The following JADE2 variants were observed in gnomAD, a reference collection of about 807,000 sequenced individuals.
JADE2 encodes the protein E3 ubiquitin-protein ligase Jade-2.
In JADE2, 13 loss-of-function variants were observed where a neutral mutation model predicts 85.7. The observed-to-expected ratio is 0.15, with a 90% CI of 0.10 to 0.24. The LOEUF (loss-of-function observed/expected upper bound fraction) is 0.24, where lower values mean the gene tolerates loss of function less well. JADE2 is among the 10% of genes least tolerant of loss of function. The pLI, the probability that JADE2 is intolerant of heterozygous loss-of-function variation, is 1.00. For missense variants in JADE2, 846 were observed against 1,115.9 expected (o/e 0.76, Z 3.45); for synonymous variants, 440 against 456.1 (o/e 0.96, Z 0.45).
intron 4 of JADE2, among the ~76,000 whole-genome samples, chr5:134,553,977 T>C (rs980258925): frequency 6.6e-6 from 1 of 152,196 alleles, no homozygotes; most frequent in African/African-American, 2.4e-5. Context: ...TCTTGTGTCC[T>C]GGCCTCCCCC....
At chr5:134,550,432 A>G (rs1762526857) in intron 3 of JADE2, among the ~76,000 whole-genome samples, 1 of 152,204 alleles carries the variant, frequency 6.6e-6, no homozygotes, top group South Asian at 2.1e-4. Context: ...GTCTGTCATG[A>G]GCCTTCAGAA....
At chr5:134,563,340 T>C (rs1040009398) in intron 7 of JADE2, among the ~76,000 whole-genome samples, 2 of 138,880 alleles carry the variant, frequency 1.4e-5, no homozygotes, top group Admixed American at 1.4e-4. Context: ...GAGAATCAGG[T>C]GGTAAGCCTA....
At chr5:134,530,922 GCA>G (rs1761192938) in intron 1 of JADE2, among the ~76,000 whole-genome samples, 1 of 152,188 alleles carries the variant, frequency 6.6e-6, no homozygotes, top group Admixed American at 6.5e-5. Flanking sequence ...AGCACACTCA[GCA>G]CTCCCTAGTA....
At chr5:134,526,937 C>T (rs1466553379) in intron 1 of JADE2, among the ~76,000 whole-genome samples, 1 of 152,038 alleles carries the variant, frequency 6.6e-6, no homozygotes, top group Non-Finnish European at 1.5e-5. Flanking sequence ...GGGGCGTGGC[C>T]CTTGTTTACC....
At chr5:134,570,185 C>T (rs1004885750) in intron 9 of JADE2, among the ~76,000 whole-genome samples, 15 of 152,264 alleles carry the variant, frequency 9.9e-5, no homozygotes, top group African/African-American at 2.6e-4. Context: ...CAGTCCCTGC[C>T]GCACACCCCA....
At chr5:134,567,104 G>T (rs994129712) in intron 9 of JADE2, among the ~76,000 whole-genome samples, 1 of 152,214 alleles carries the variant, frequency 6.6e-6, no homozygotes, top group East Asian at 1.9e-4. Flanking sequence ...ATGGGTAAAC[G>T]CGGCTCCGTG....
intron 2 of JADE2, among the ~76,000 whole-genome samples, chr5:134,536,158 G>C (rs927357958): frequency 6.6e-6 from 1 of 152,160 alleles, no homozygotes; most frequent in Non-Finnish European, 1.5e-5. Context: ...CTAGGTCCCA[G>C]CTCCATTTGT....
intron 9 of JADE2, among the ~76,000 whole-genome samples, chr5:134,571,425 G>A (rs765193612): frequency 1.2e-4 from 18 of 152,304 alleles, no homozygotes; most frequent in East Asian, 3.9e-4. Flanking sequence ...TGGGCCGGGC[G>A]CGGTGGCTCA....
intron 10 of JADE2, among the ~76,000 whole-genome samples, chr5:134,576,005 A>C (rs1353054404): frequency 6.6e-6 from 1 of 152,190 alleles, no homozygotes; most frequent in African/African-American, 2.4e-5. Flanking sequence ...GTTCAAGACC[A>C]GTCTGGGCAA....
chr5:134,524,682 G>T (rs566239955), upstream of JADE2, among the ~76,000 whole-genome samples: 10 of 152,342 alleles, frequency 6.6e-5, no homozygotes, highest in African/African-American at 2.4e-4. Flanking sequence ...GCGGGGCAGC[G>T]CTAGGCGCCA....
chr5:134,551,293 A>G (rs1294364510), intron 3 of JADE2, among the ~76,000 whole-genome samples: 2 of 152,092 alleles, frequency 1.3e-5, no homozygotes, highest in Non-Finnish European at 2.9e-5. Context: ...CAGTGGTGCA[A>G]TCATGGCTCA....
chr5:134,552,138 A>G lies in JADE2; in HGVS notation c.240A>G (p.Pro80=), dbSNP rs144024036. ...ATGACTACTACATCCTGGCAGACCC[A>G]TGGCGACAGGAATGGGAGAAAGGTG... is the stretch of plus-strand genomic sequence containing the variant. The part of the protein sequence containing the change: ...SPDDYYILAD[P]WRQEWEKGVQ... Residue 80 remains proline, a synonymous_variant, in exon 4 of 12, where the codon CCA becomes CCG. Transcript: ENST00000681547. 1.8e-5 allele frequency: 29 copies of G among 1,614,170 alleles called. No homozygotes were observed. In the African/African-American group the frequency reaches 2.5e-4, roughly 14 times the overall value.
At chr5:134,531,001 A>C (rs1034530061) in intron 1 of JADE2, among the ~76,000 whole-genome samples, 1 of 152,212 alleles carries the variant, frequency 6.6e-6, no homozygotes, top group African/African-American at 2.4e-5. Context: ...ATACATTCCC[A>C]AGGAGAACGA....
intron 6 of JADE2, 76 bp downstream of exon 6, chr5:134,561,033 TC>T: frequency 7.8e-7 from 1 of 1,286,758 alleles, no homozygotes; most frequent in Non-Finnish European, 1.1e-6. Context: ...CACTTGGCTC[TC>T]CAGGGGCACT....
intron 7 of JADE2, among the ~76,000 whole-genome samples, chr5:134,563,659 A>G (rs1196480749): frequency 6.6e-6 from 1 of 152,210 alleles, no homozygotes; most frequent in East Asian, 1.9e-4. Flanking sequence ...TCCTGGGCTC[A>G]CAGTCTGAAG....
chr5:134,542,592 C>T (rs952779314), intron 3 of JADE2, among the ~76,000 whole-genome samples: 1 of 151,952 alleles, frequency 6.6e-6, no homozygotes, highest in African/African-American at 2.4e-5. Flanking sequence ...CAGGCATGTG[C>T]CACCACGTCC....
At chr5:134,526,739 G>A (rs1481395315) in intron 1 of JADE2, 1 of 985,508 alleles carries the variant, frequency 1.0e-6, no homozygotes. Context: ...TTTTGGAGGG[G>A]CGGGGGACAC....
At position 134,578,688 on chromosome 5, in the gene JADE2, G is replaced by T. The variant is rs1179181799; in HGVS notation, c.1876G>T (p.Asp626Tyr). The change falls in exon 12 of 12, where the codon GAC becomes TAC. Residue 626 changes from aspartate (D) to tyrosine (Y), a missense_variant. Transcript: ENST00000681547. This position sits in a 1 kb window ranked among gnomAD's most constrained non-coding sequence, Gnocchi z 4.4. Reference protein sequence around the residue: ...DEETLLSFMRDPSLRPGDPAR... With the variant: ...DEETLLSFMRYPSLRPGDPAR... ...GGAGACACTGCTCAGCTTCATGCGG[G>T]ACCCCTCGCTGCGACCTGGTGACCC... The T allele has an allele frequency of 6.2e-7, 1 of 1,613,922 alleles. No individual in the cohort carries two copies. Among genetic ancestry groups the T allele is most frequent in the South Asian group, 1.1e-5 (1 of 91,072 alleles).
chr5:134,562,479 A>G lies in JADE2; in HGVS notation c.852+112A>G. 2 of 1,139,400 alleles carry G rather than the reference A, an allele frequency of 1.8e-6. No individual in the cohort carries two copies. The highest frequency in any genetic ancestry group is 2.5e-6 in the Non-Finnish European group (2 of 808,182). 70.6% of individuals were successfully genotyped at this position (1,139,400 alleles called of 1,614,324 possible). A position where few individuals can be genotyped will look rare whatever the true frequency, so the allele number is the denominator to read the frequency against. On this transcript the variant is annotated intron_variant, in intron 7 of 11. Transcript: ENST00000681547. The surrounding 1 kb of genome is among the most constrained non-coding windows in gnomAD (Gnocchi z 4.6). Reference sequence around the variant, plus strand: ...AAAGAAGGTGATGGACTCGCACTAAAACACTGAGATCGGCCGGGCGCGGTG... The same window carrying G: ...AAAGAAGGTGATGGACTCGCACTAAGACACTGAGATCGGCCGGGCGCGGTG...
Sources: allele counts gnomAD v4.1 joint callset (sites outside exome capture counted in the v4.1 genomes callset), GRCh38; gene constraint gnomAD v4.1.1; non-coding constraint Gnocchi (gnomAD v3.1); transcripts MANE v1.5; gene names NCBI Gene and HGNC (gene_info 2026-07-23, HGNC 2026-07-21).